MAP4K4: variants seen among roughly 807,000 people sequenced by gnomAD.
MAP4K4 encodes the protein mitogen-activated protein kinase kinase kinase kinase 4.
A neutral mutation model predicts 189.6 loss-of-function variants in MAP4K4; 38 were observed. The ratio of observed to expected loss-of-function variants is 0.20; its 90% CI spans 0.15 to 0.26. MAP4K4 has a LOEUF of 0.26. Ranked by LOEUF, MAP4K4 falls within the 10% of genes least tolerant of loss-of-function variation. MAP4K4 has a pLI of 1.00. For synonymous variants in MAP4K4, 610 were observed against 624.3 expected (o/e 0.98, Z 0.34); for missense variants, 1,054 against 1,726.9 (o/e 0.61, Z 6.91).
intron 3 of MAP4K4, among the ~76,000 whole-genome samples, chr2:101,810,008 GT>G (rs1392590743): frequency 1.3e-5 from 2 of 152,224 alleles, no homozygotes; most frequent in Non-Finnish European, 2.9e-5. Context: ...AGAGTTCAGT[GT>G]ATTGGAAGAT....
At chr2:101,859,547 A>G in intron 14 of MAP4K4, 96 bp from the exon 15 acceptor site, 1 of 951,362 alleles carries the variant, frequency 1.1e-6, no homozygotes, top group Non-Finnish European at 1.6e-6. Flanking sequence ...CAGAGGGAAA[A>G]TATATGGTCA....
chr2:101,725,041 A>G (rs1165072697), intron 2 of MAP4K4, among the ~76,000 whole-genome samples: 2 of 152,200 alleles, frequency 1.3e-5, no homozygotes, highest in Non-Finnish European at 2.9e-5. Context: ...AGAGTAGGCC[A>G]TACCATTGAG....
intron 2 of MAP4K4, among the ~76,000 whole-genome samples, chr2:101,753,602 T>C (rs778089284): frequency 1.3e-5 from 2 of 151,986 alleles, no homozygotes; most frequent in Non-Finnish European, 2.9e-5. Flanking sequence ...TCAGCAAGTA[T>C]GGGAACCACT....
intron 2 of MAP4K4, among the ~76,000 whole-genome samples, chr2:101,716,870 T>C (rs1009702199): frequency 6.6e-6 from 1 of 152,224 alleles, no homozygotes; most frequent in African/African-American, 2.4e-5. Context: ...TTTTGTCTCC[T>C]TTCTTCCTTT....
intron 6 of MAP4K4, 64 bp from the exon 7 acceptor site, chr2:101,831,657 C>G (rs1408766203): frequency 6.6e-7 from 1 of 1,524,994 alleles, no homozygotes. Context: ...GTGTTTTTTC[C>G]CAAGTATATC....
exon 12 of MAP4K4, chr2:101,844,204 C>G: frequency 6.2e-7 from 1 of 1,608,146 alleles, no homozygotes; most frequent in Non-Finnish European, 8.5e-7. Flanking sequence ...ACAACAGTTA[C>G]TACAGGAGCA....
At chr2:101,776,298 T>C (rs1283208361) in intron 2 of MAP4K4, among the ~76,000 whole-genome samples, 1 of 152,120 alleles carries the variant, frequency 6.6e-6, no homozygotes, top group Non-Finnish European at 1.5e-5. Context: ...GAAGAGCCAT[T>C]GCTGTTCTGC....
intron 15 of MAP4K4, 178 bp downstream of exon 15, chr2:101,860,042 T>C: frequency 1.5e-6 from 1 of 663,774 alleles, no homozygotes; most frequent in Non-Finnish European, 2.6e-6. Context: ...CAAGGTTTCA[T>C]ATTCAGTCAG....
At chr2:101,775,628 A>G (rs1453278490) in intron 2 of MAP4K4, among the ~76,000 whole-genome samples, 3 of 152,100 alleles carry the variant, frequency 2.0e-5, no homozygotes, top group Non-Finnish European at 2.9e-5. Context: ...AGAATCCAGT[A>G]ATTAGTGATT....
At chr2:101,793,517 C>T (rs1292400364) in intron 3 of MAP4K4, among the ~76,000 whole-genome samples, 1 of 149,202 alleles carries the variant, frequency 6.7e-6, no homozygotes. Context: ...CCAACTCCAG[C>T]AGGAGGGGCT....
At chr2:101,707,099 C>T (rs1218625334) in intron 2 of MAP4K4, among the ~76,000 whole-genome samples, 2 of 152,106 alleles carry the variant, frequency 1.3e-5, no homozygotes, top group Non-Finnish European at 2.9e-5. Flanking sequence ...AAATGATGAC[C>T]TTGTCAGGGT....
chr2:101,776,900 C>G (rs2084486395), intron 2 of MAP4K4, among the ~76,000 whole-genome samples: 1 of 152,124 alleles, frequency 6.6e-6, no homozygotes, highest in Non-Finnish European at 1.5e-5. Flanking sequence ...TGTTACGGAC[C>G]TAAATTTAGG....
chr2:101,742,517 A>G (rs554088828), intron 2 of MAP4K4, among the ~76,000 whole-genome samples: 1 of 116,026 alleles, frequency 8.6e-6, no homozygotes, highest in African/African-American at 2.5e-5. Flanking sequence ...GGATGTTTAC[A>G]ATAAATGTGT....
chr2:101,749,799 C>G (rs1194035186), intron 2 of MAP4K4, among the ~76,000 whole-genome samples: 1 of 139,482 alleles, frequency 7.2e-6, no homozygotes, highest in Non-Finnish European at 1.5e-5. Flanking sequence ...ACAATGAACT[C>G]AAACAAATTT....
chr2:101,851,662 C>T (rs2298943), intron 12 of MAP4K4, among the ~76,000 whole-genome samples: 36,710 of 147,608 alleles, frequency 0.25, 5,242 homozygotes, highest in Non-Finnish European at 0.31. Context: ...TTCTTGCTCT[C>T]GATCTAGTTT....
chr2:101,760,356 G>C (rs1232990205), intron 2 of MAP4K4, among the ~76,000 whole-genome samples: 1 of 151,670 alleles, frequency 6.6e-6, no homozygotes, highest in Non-Finnish European at 1.5e-5. Flanking sequence ...AGATGTGGTG[G>C]TGTGAGCCTG....
At chr2:101,891,842 CTT>C (rs1452193457) in exon 33 of MAP4K4, 1 of 123,680 alleles carries the variant, frequency 8.1e-6, no homozygotes, top group African/African-American at 3.1e-5. Context: ...ACTAGGATAA[CTT>C]TTTTGTGGGT....
At chr2:101,707,467 T>C (rs1391030329) in intron 2 of MAP4K4, among the ~76,000 whole-genome samples, 2 of 152,070 alleles carry the variant, frequency 1.3e-5, no homozygotes, top group African/African-American at 4.8e-5. Context: ...CCTGGGCCTC[T>C]CAAAGTGCTG....
intron 3 of MAP4K4, among the ~76,000 whole-genome samples, chr2:101,817,211 C>T (rs2095785879): frequency 1.3e-5 from 2 of 152,126 alleles, no homozygotes. Context: ...ACGAGGTCAA[C>T]TGTCAGGATT....
Sources: gnomAD v4.1 joint callset for allele counts (sites outside exome capture counted in the v4.1 genomes callset) on GRCh38, gnomAD v4.1.1 for gene constraint, MANE v1.5 for transcripts, NCBI Gene and HGNC (gene_info 2026-07-23, HGNC 2026-07-21) for gene names.